Variants in ARHGAP18 observed in about 807,000 individuals in gnomAD.
ARHGAP18 encodes the protein Rho GTPase activating protein 18, also known as rho GTPase-activating protein 18.
ARHGAP18 carries 67 observed loss-of-function variants against 86.2 expected under a neutral mutation model. The observed-to-expected ratio is 0.78, with a 90% CI of 0.64 to 0.95. The LOEUF (loss-of-function observed/expected upper bound fraction) is 0.95. Ranked by LOEUF, ARHGAP18 falls within the 40% of genes least tolerant of loss-of-function variation. The pLI is 0.00. For synonymous variants in ARHGAP18, 283 were observed against 280.4 expected (o/e 1.01, Z -0.09); for missense variants, 691 against 780.4 (o/e 0.89, Z 1.37).
chr6:129,616,146 T>C (rs1327147970), intron 7 of ARHGAP18, 66 bp downstream of exon 7: 2 of 1,231,308 alleles, frequency 1.6e-6, no homozygotes, highest in Admixed American at 2.2e-5. Context: ...TATAATAATA[T>C]GAATACAAAA....
rs151022956 is a variant in ARHGAP18, at chr6:129,698,987, C to T, written c.113+11037G>A. On this transcript the variant is annotated intron_variant, in intron 1 of 14. Transcript: ENST00000368149. Reference sequence around the variant, plus strand: ...GGATTACAGGCATGAGCCACACGCCCGGCCTAAGGCCTGGCTAATTTTTGT... The same window carrying T: ...GGATTACAGGCATGAGCCACACGCCTGGCCTAAGGCCTGGCTAATTTTTGT... Among the ~76,000 whole-genome samples, 187 of 152,194 alleles carry T rather than the reference C, an allele frequency of 1.2e-3. 1 individual carries two copies. The highest frequency in any genetic ancestry group is 3.7e-3 in the African/African-American group (155 of 41,518).
rs183207976 is a variant in ARHGAP18 at position 129,643,723 on chromosome 6, T to C, written c.114-1705A>G. 4.0e-3 allele frequency among the ~76,000 whole-genome samples: 613 copies of C among 151,986 alleles called. 3 individuals are homozygous for C. Among genetic ancestry groups the C allele is most frequent in the African/African-American group, 0.013 (560 of 41,546 alleles). On this transcript the variant is annotated intron_variant, in intron 1 of 14. Coordinates refer to ENST00000368149, the MANE Select transcript of ARHGAP18 (RefSeq NM_033515.3). ...TGTTTGCCAGATTGGTTTTACTTAC[T>C]GTACATATTGAAAATAATTTTAAAA... is the stretch of plus-strand genomic sequence containing the variant.
rs184996641 is a variant in ARHGAP18, at chr6:129,605,776, T to G, written c.1365+101A>C. On this transcript the variant is annotated intron_variant, in intron 10 of 14. Coordinates refer to ENST00000368149, the MANE Select transcript of ARHGAP18 (RefSeq NM_033515.3). ...TAGGCTTTTTCTTTATAGACTTTTA[T>G]GACCATGTCCAAGATACACATCTTA... 47 of 1,080,042 alleles carry G rather than the reference T, an allele frequency of 4.4e-5. No individual in the cohort carries two copies. The African/African-American group carries it at 7.2e-4, about 17-fold the overall frequency. 66.9% of individuals were successfully genotyped at this position (1,080,042 alleles called of 1,614,324 possible).
intron 1 of ARHGAP18, among the ~76,000 whole-genome samples, chr6:129,665,853 GA>G (rs1341173759): frequency 6.6e-6 from 1 of 152,048 alleles, no homozygotes; most frequent in Admixed American, 6.6e-5. Flanking sequence ...GAGTTCAGGA[GA>G]AACTTGAATG....
intron 2 of ARHGAP18, among the ~76,000 whole-genome samples, chr6:129,640,347 C>T (rs1475476281): frequency 6.6e-6 from 1 of 152,124 alleles, no homozygotes; most frequent in Non-Finnish European, 1.5e-5. Context: ...ACTTATCAAA[C>T]AGCTAATGAC....
At chr6:129,684,353 AGCAT>A (rs1774388916) in intron 1 of ARHGAP18, among the ~76,000 whole-genome samples, 1 of 152,216 alleles carries the variant, frequency 6.6e-6, no homozygotes, top group South Asian at 2.1e-4. Context: ...GCTTTAAGAT[AGCAT>A]GCCTAGGAAT....
At chr6:129,640,261 G>A (rs992256498) in intron 2 of ARHGAP18, among the ~76,000 whole-genome samples, 3 of 152,122 alleles carry the variant, frequency 2.0e-5, no homozygotes, top group Non-Finnish European at 4.4e-5. Flanking sequence ...AAAGGTGTGG[G>A]CATGTAGAAA....
At chr6:129,641,390 A>G (rs573707912) in intron 2 of ARHGAP18, among the ~76,000 whole-genome samples, 1 of 152,350 alleles carries the variant, frequency 6.6e-6, no homozygotes, top group Non-Finnish European at 1.5e-5. Context: ...TAAATCAATA[A>G]AACAAAGATC....
At chr6:129,692,504 G>T (rs1015034429) in intron 1 of ARHGAP18, among the ~76,000 whole-genome samples, 1 of 152,158 alleles carries the variant, frequency 6.6e-6, no homozygotes, top group African/African-American at 2.4e-5. Flanking sequence ...AGAATTTTAG[G>T]GGATAAATAT....
chr6:129,638,465 T>C lies in ARHGAP18; in HGVS notation c.481A>G (p.Lys161Glu), dbSNP rs1336339504. 9 of 1,614,072 alleles carry C rather than the reference T, an allele frequency of 5.6e-6. No individual in the cohort carries two copies. Among genetic ancestry groups the C allele is most frequent in the Admixed American group, 1.7e-5 (1 of 60,006 alleles). The change falls in exon 3 of 15, where the codon AAA (lysine) becomes GAA (glutamate). Residue 161 changes from lysine to glutamate, a missense_variant. Physicochemically the swap from Lys to Glu is moderately conservative, Grantham distance 56. Coordinates refer to ENST00000368149, the MANE Select transcript of ARHGAP18 (RefSeq NM_033515.3). ...GGAATCTGGTACTGTTTGTTTTTTTTCCTCAAGGTCTGGGAGACCGTCTCT... is the reference window on the plus strand; with the variant it reads ...GGAATCTGGTACTGTTTGTTTTTTTCCCTCAAGGTCTGGGAGACCGTCTCT... ...RVETVSQTLRKKNKQYQIPDV... is the reference protein window; with the variant it reads ...RVETVSQTLREKNKQYQIPDV...
At chr6:129,699,668 C>G (rs1774679325) in intron 1 of ARHGAP18, among the ~76,000 whole-genome samples, 1 of 152,120 alleles carries the variant, frequency 6.6e-6, no homozygotes, top group Non-Finnish European at 1.5e-5. Flanking sequence ...TGCTATTTCT[C>G]CCCTAGGAAA....
At chr6:129,676,750 T>C (rs1404482406) in intron 1 of ARHGAP18, among the ~76,000 whole-genome samples, 1 of 152,032 alleles carries the variant, frequency 6.6e-6, no homozygotes, top group Non-Finnish European at 1.5e-5. Flanking sequence ...CTAGTCACTT[T>C]ACCGCTCCAA....
Position 129,579,505 on chromosome 6 carries a change from A to T in ARHGAP18, c.1900+565T>A, listed in dbSNP as rs9321173. The stretch of plus-strand genomic sequence containing the variant: ...AAGAGTCAAAAAAGAAAAAAAGATT[A>T]TTTTAAATTTTTAAAAAGAGATGGT... On this transcript the variant is annotated intron_variant, in intron 14 of 14. Coordinates refer to ENST00000368149, the MANE Select transcript of ARHGAP18 (RefSeq NM_033515.3). 8.4e-3 allele frequency among the ~76,000 whole-genome samples: 1,284 copies of T among 152,264 alleles called. 20 individuals are homozygous for T. Among genetic ancestry groups the T allele is most frequent in the African/African-American group, 0.029 (1,219 of 41,564 alleles).
intron 5 of ARHGAP18, among the ~76,000 whole-genome samples, chr6:129,619,889 C>G (rs1285887220): frequency 1.3e-5 from 2 of 151,588 alleles, no homozygotes; most frequent in Non-Finnish European, 2.9e-5. Context: ...TATCTACTTA[C>G]TAGTTGTGTG....
chr6:129,600,124 C>G (rs1035588807), intron 11 of ARHGAP18, among the ~76,000 whole-genome samples: 1 of 152,036 alleles, frequency 6.6e-6, no homozygotes, highest in African/African-American at 2.4e-5. Context: ...CTTGGAATTC[C>G]TTTAGGTCAT....
intron 13 of ARHGAP18, among the ~76,000 whole-genome samples, chr6:129,583,310 T>A (rs542501767): frequency 1.3e-5 from 2 of 152,174 alleles, no homozygotes; most frequent in Non-Finnish European, 2.9e-5. Flanking sequence ...GAAAATACAA[T>A]ATACTTGTTA....
intron 10 of ARHGAP18, among the ~76,000 whole-genome samples, chr6:129,603,523 T>C (rs1788791841): frequency 6.6e-6 from 1 of 152,170 alleles, no homozygotes; most frequent in Non-Finnish European, 1.5e-5. Context: ...CACAATTACT[T>C]AGTAGCTGGG....
intron 1 of ARHGAP18, among the ~76,000 whole-genome samples, chr6:129,661,158 A>T (rs1211521179): frequency 2.0e-5 from 3 of 151,892 alleles, no homozygotes; most frequent in Admixed American, 2.0e-4. Context: ...AAAATTTGAT[A>T]CGAGTGGAAG....
Position 129,599,369 on chromosome 6 carries a change from G to T in ARHGAP18, c.1573-13C>A, listed in dbSNP as rs750094615. 1.3e-6 allele frequency: 2 copies of T among 1,487,064 alleles called. No homozygotes were observed. Among genetic ancestry groups the T allele is most frequent in the South Asian group, 1.5e-5 (1 of 68,776 alleles). The allele number at this position is 1,487,064 out of a possible 1,614,324, so 92.1% of individuals were successfully genotyped here. A position where few individuals can be genotyped will look rare whatever the true frequency, so the allele number is the denominator to read the frequency against. On this transcript the variant is annotated splice_polypyrimidine_tract_variant and intron_variant, in intron 11 of 14. Coordinates refer to ENST00000368149, the MANE Select transcript of ARHGAP18 (RefSeq NM_033515.3). The stretch of plus-strand genomic sequence containing the variant: ...TAAACTTGGGAATCTATAGAGAAAA[G>T]GAATTAAGCTTAGAGAGGAAAAAGA...
Sources: gnomAD v4.1 joint callset for allele counts (sites outside exome capture counted in the v4.1 genomes callset) on GRCh38, gnomAD v4.1.1 for gene constraint, MANE v1.5 for transcripts, NCBI Gene and HGNC (gene_info 2026-07-23, HGNC 2026-07-21) for gene names.